The following IPO8 variants were observed in gnomAD, a reference collection of about 807,000 sequenced individuals.
IPO8 encodes the protein importin 8.
Under a neutral mutation model 141.2 loss-of-function variants are expected in IPO8, and 65 were observed. The ratio of observed to expected loss-of-function variants is 0.46; its 90% CI spans 0.38 to 0.57. The LOEUF (loss-of-function observed/expected upper bound fraction) is 0.57. IPO8 is among the 20% of genes least tolerant of loss of function. The pLI is 0.00. For missense variants in IPO8, 980 were observed against 1,246.8 expected, an observed-to-expected ratio of 0.79 and a Z score of 3.22; for synonymous variants, 411 against 420.3, an observed-to-expected ratio of 0.98 and a Z score of 0.27.
chr12:30,636,932 T>C, intron 22 of IPO8, 50 bp downstream of exon 22: 1 of 1,478,544 alleles, frequency 6.8e-7, no homozygotes, highest in Non-Finnish European at 9.4e-7. Flanking sequence ...ATAAAATGCA[T>C]ACACAAATCA....
rs1565509433 is a variant in IPO8 at position 30,681,734 on chromosome 12, T to C, written c.407A>G (p.Tyr136Cys). ...HWPGVVDKID[Y>C]YLQSQSSASW... ...TGCACTGCTCTGTGATTGCAAGTAA[T>C]AGTCTATCTTGTCGACCACTCCTGG... The change falls in exon 4 of 25, where the codon TAT becomes TGT. Residue 136 changes from tyrosine to cysteine, a missense_variant. Physicochemically the swap from Tyr to Cys is radical, Grantham distance 194. Coordinates refer to ENST00000256079, the MANE Select transcript of IPO8 (RefSeq NM_006390.4). 6.2e-7 allele frequency: 1 copy of C among 1,613,864 alleles called. No homozygotes were observed. Among genetic ancestry groups the C allele is most frequent in the South Asian group, 1.1e-5 (1 of 91,070 alleles).
chr12:30,679,011 T>C (rs2053157319), intron 5 of IPO8, among the ~76,000 whole-genome samples: 1 of 152,156 alleles, frequency 6.6e-6, no homozygotes, highest in African/African-American at 2.4e-5. Context: ...GGCTAATTTT[T>C]GTATTTTTCT....
intron 20 of IPO8, among the ~76,000 whole-genome samples, chr12:30,648,369 C>T (rs1251280683): frequency 2.6e-5 from 4 of 152,276 alleles, no homozygotes; most frequent in Admixed American, 6.5e-5. Flanking sequence ...GCCCAGAATA[C>T]GCAAATCTAT....
At chr12:30,676,895 C>A in intron 5 of IPO8, 1 of 1,505,388 alleles carries the variant, frequency 6.6e-7, no homozygotes, top group African/African-American at 1.4e-5. Flanking sequence ...TTATGACTTA[C>A]CCCTTTGAGG....
intron 20 of IPO8, among the ~76,000 whole-genome samples, chr12:30,644,937 G>A (rs1213362873): frequency 2.6e-5 from 4 of 151,754 alleles, no homozygotes; most frequent in Admixed American, 6.6e-5. Flanking sequence ...ACAGGCGTAA[G>A]CCACTGCGCC....
chr12:30,693,685 A>G (rs186447128), intron 1 of IPO8, among the ~76,000 whole-genome samples: 12 of 152,304 alleles, frequency 7.9e-5, no homozygotes, highest in Admixed American at 2.0e-4. Flanking sequence ...ATTTTGTTCT[A>G]TTTACAGCCA....
At chr12:30,669,977 T>C (rs890100298) in intron 9 of IPO8, among the ~76,000 whole-genome samples, 1 of 152,146 alleles carries the variant, frequency 6.6e-6, no homozygotes, top group African/African-American at 2.4e-5. Context: ...TAATTCTAAG[T>C]GAAAAAATTC....
At chr12:30,674,107 G>T in intron 7 of IPO8, 33 bp from the exon 8 acceptor site, 1 of 1,321,770 alleles carries the variant, frequency 7.6e-7, no homozygotes, top group South Asian at 1.3e-5. Context: ...TACAAATACC[G>T]TGAATTTTAC....
At chr12:30,680,426 C>T in intron 5 of IPO8, 56 bp downstream of exon 5, 2 of 1,373,166 alleles carry the variant, frequency 1.5e-6, no homozygotes, top group Non-Finnish European at 2.0e-6. Context: ...GAGCACTTTC[C>T]ATGTGTCAGG....
intron 1 of IPO8, among the ~76,000 whole-genome samples, chr12:30,692,214 AC>A (rs1313247136): frequency 6.6e-6 from 1 of 152,258 alleles, no homozygotes. Context: ...TTCCACACAT[AC>A]AAAATAACCT....
At chr12:30,655,598 G>A (rs1159274147) in intron 17 of IPO8, among the ~76,000 whole-genome samples, 3 of 152,038 alleles carry the variant, frequency 2.0e-5, no homozygotes, top group Non-Finnish European at 4.4e-5. Context: ...GAGATCTTGT[G>A]GTATCTGTCT....
At chr12:30,663,720 AT>A in intron 13 of IPO8, 66 bp from the exon 14 acceptor site, 4 of 1,204,784 alleles carry the variant, frequency 3.3e-6, no homozygotes, top group Non-Finnish European at 4.5e-6. Context: ...AATATCACAG[AT>A]ATAAGAACTT....
At chr12:30,647,161 C>T (rs3910562) in intron 20 of IPO8, among the ~76,000 whole-genome samples, 86,385 of 151,994 alleles carry the variant, frequency 0.57, 25,657 homozygotes, top group African/African-American at 0.74. Flanking sequence ...CCTCACATTA[C>T]AGTCAACTGA....
rs142191431 is a variant in IPO8, at chr12:30,630,837, T to C, written c.*23A>G. The C allele has an allele frequency of 8.3e-6, 13 of 1,557,978 alleles. No individual in the cohort carries two copies. In the African/African-American group the frequency reaches 1.1e-4, roughly 13 times the overall value. ...GTGAAATAAAATGCAGCGATGACAT[T>C]TGGTCAGCTGATGTTCTTTCCTTCA... is the stretch of plus-strand genomic sequence containing the variant. On this transcript the variant is annotated 3_prime_UTR_variant, in exon 25 of 25. Transcript: ENST00000256079.
chr12:30,631,545 C>G, intron 24 of IPO8: 1 of 179,334 alleles, frequency 5.6e-6, no homozygotes, highest in Non-Finnish European at 1.2e-5. Context: ...AAGAATTCGT[C>G]AAGTCCCTTT....
intron 19 of IPO8, among the ~76,000 whole-genome samples, chr12:30,651,192 A>G (rs2052722283): frequency 6.6e-6 from 1 of 152,130 alleles, no homozygotes; most frequent in Non-Finnish European, 1.5e-5. Flanking sequence ...CTAACAGGGA[A>G]AACTGAAGAC....
At position 30,681,682 on chromosome 12, in the gene IPO8, C is replaced by T. The variant is rs1431038349; in HGVS notation, c.459G>A (p.Leu153=). 2 of 1,613,250 alleles carry T rather than the reference C, an allele frequency of 1.2e-6. No homozygotes were observed. Among genetic ancestry groups the T allele is most frequent in the East Asian group, 4.5e-5 (2 of 44,876 alleles). ...SASWLGSLLC[L]YQLVKTYEYK... is the part of the protein sequence containing the mutation. ...ACTCATATGTCTTCACCAGTTGATA[C>T]AGGCATAATAAACTGCCAAGCCAGC... is the stretch of plus-strand genomic sequence containing the variant. Residue 153 remains leucine (L), a synonymous_variant, in exon 4 of 25, where the codon CTG becomes CTA. Coordinates refer to ENST00000256079, the MANE Select transcript of IPO8 (RefSeq NM_006390.4).
At chr12:30,654,286 T>G (rs2052767563) in intron 17 of IPO8, among the ~76,000 whole-genome samples, 1 of 151,244 alleles carries the variant, frequency 6.6e-6, no homozygotes, top group Non-Finnish European at 1.5e-5. Context: ...TCACGGAAAC[T>G]TGGAACACTG....
At position 30,688,995 on chromosome 12, in the gene IPO8, T is replaced by C. The variant is rs570870338; in HGVS notation, c.166+1501A>G. On this transcript the variant is annotated intron_variant, in intron 2 of 24. Transcript: ENST00000256079. ...AATATCAAATCGTTTAAGTAAACCA[T>C]GGTAATTCTTATATAAAGAAATACT... Among the ~76,000 whole-genome samples, 5 of 152,226 alleles carry C rather than the reference T, an allele frequency of 3.3e-5. No individual in the cohort carries two copies. The South Asian group carries it at 1.0e-3, about 32-fold the overall frequency.
Sources: gnomAD v4.1 joint callset for allele counts (sites outside exome capture counted in the v4.1 genomes callset) on GRCh38, gnomAD v4.1.1 for gene constraint, MANE v1.5 for transcripts, NCBI Gene and HGNC (gene_info 2026-07-23, HGNC 2026-07-21) for gene names.